The following GALNT13 variants were observed in gnomAD, a reference collection of about 807,000 sequenced individuals.
GALNT13 encodes the protein UDP-GalNAc:polypeptide N-acetylgalactosaminyltransferase 13.
A neutral mutation model predicts 64.2 loss-of-function variants in GALNT13; 28 were observed. That is an observed-to-expected ratio of 0.44 (90% CI 0.32 to 0.60). The LOEUF is 0.60. Among genes scored for constraint, GALNT13 ranks in the 20% least tolerant of loss-of-function variants. The pLI, the probability that GALNT13 is intolerant of heterozygous loss-of-function variation, is 0.05. For synonymous variants in GALNT13, 214 were observed against 224.6 expected (o/e 0.95, Z 0.42); for missense variants, 577 against 669.8 (o/e 0.86, Z 1.53).
chr2:153,567,156 C>A, the GALNT13 span, among the ~76,000 whole-genome samples: 1 of 152,218 alleles, frequency 6.6e-6, no homozygotes, highest in African/African-American at 2.4e-5. Flanking sequence ...AAATTCCAGG[C>A]TGTTTCTCAT....
chr2:153,071,625 T>G, the GALNT13 span, among the ~76,000 whole-genome samples: 5 of 152,212 alleles, frequency 3.3e-5, no homozygotes, highest in African/African-American at 1.2e-4. Context: ...CTAAGAAGTT[T>G]TACTGACCGA....
At chr2:153,388,138 T>A in the GALNT13 span, among the ~76,000 whole-genome samples, 1 of 151,966 alleles carries the variant, frequency 6.6e-6, no homozygotes, top group African/African-American at 2.4e-5. Context: ...GCTTTCTCAC[T>A]TCTTAGTCAA....
intron 3 of GALNT13, among the ~76,000 whole-genome samples, chr2:153,992,850 C>T (rs1421587769): frequency 4.6e-5 from 7 of 152,232 alleles, no homozygotes; most frequent in East Asian, 1.9e-4. Flanking sequence ...ATCACCCTTG[C>T]CTATTAGGCA....
the GALNT13 span, among the ~76,000 whole-genome samples, chr2:153,834,791 T>C: frequency 6.6e-6 from 1 of 152,042 alleles, no homozygotes; most frequent in Non-Finnish European, 1.5e-5. Context: ...ACATGTATAA[T>C]GGGAGGAAAG....
the GALNT13 span, among the ~76,000 whole-genome samples, chr2:153,599,979 C>T: frequency 6.6e-6 from 1 of 152,034 alleles, no homozygotes; most frequent in African/African-American, 2.4e-5. Flanking sequence ...GGCAGCAGAA[C>T]TGACTTCATG....
the GALNT13 span, among the ~76,000 whole-genome samples, chr2:153,371,424 CA>C: frequency 6.6e-6 from 1 of 151,862 alleles, no homozygotes; most frequent in Non-Finnish European, 1.5e-5. Flanking sequence ...TAGAAAGTCT[CA>C]AAAAAATGTA....
the GALNT13 span, among the ~76,000 whole-genome samples, chr2:153,276,023 G>A: frequency 3.9e-5 from 6 of 152,068 alleles, no homozygotes; most frequent in African/African-American, 9.6e-5. Context: ...TTAAATTTGT[G>A]TTTCTGAACT....
the GALNT13 span, among the ~76,000 whole-genome samples, chr2:153,544,975 T>A: frequency 2.0e-5 from 3 of 152,218 alleles, no homozygotes; most frequent in African/African-American, 7.2e-5. Context: ...GGGGTAGAAA[T>A]GAAAAGAGGT....
intron 3 of GALNT13, among the ~76,000 whole-genome samples, chr2:154,004,445 C>T (rs1696119628): frequency 6.6e-6 from 1 of 152,162 alleles, no homozygotes; most frequent in Non-Finnish European, 1.5e-5. Flanking sequence ...ACCTCATGAT[C>T]TGCCTGCTTC....
At chr2:153,719,231 GC>G in the GALNT13 span, among the ~76,000 whole-genome samples, 1 of 152,138 alleles carries the variant, frequency 6.6e-6, no homozygotes, top group African/African-American at 2.4e-5. Context: ...AGAAATTATG[GC>G]TTGGGAGTTA....
the GALNT13 span, among the ~76,000 whole-genome samples, chr2:153,604,004 G>C: frequency 6.6e-6 from 1 of 151,882 alleles, no homozygotes; most frequent in Non-Finnish European, 1.5e-5. Flanking sequence ...TCAGTATTCC[G>C]TTTCATTAGT....
At chr2:153,561,540 T>C in the GALNT13 span, among the ~76,000 whole-genome samples, 1 of 152,052 alleles carries the variant, frequency 6.6e-6, no homozygotes, top group East Asian at 1.9e-4. Flanking sequence ...AGGTCAGGTG[T>C]GGAATTTCCC....
At chr2:153,675,533 G>A in the GALNT13 span, among the ~76,000 whole-genome samples, 11 of 152,060 alleles carry the variant, frequency 7.2e-5, no homozygotes, top group Non-Finnish European at 1.5e-4. Context: ...ATCACACACC[G>A]GGGCCTGTTG....
chr2:154,342,391 A>G (rs1437916136), intron 9 of GALNT13, among the ~76,000 whole-genome samples: 2 of 152,066 alleles, frequency 1.3e-5, no homozygotes, highest in East Asian at 3.9e-4. Context: ...AAACTCCTTA[A>G]ATCTCCTCTA....
At chr2:153,349,210 A>C in the GALNT13 span, among the ~76,000 whole-genome samples, 2 of 151,580 alleles carry the variant, frequency 1.3e-5, no homozygotes, top group Non-Finnish European at 2.9e-5. Flanking sequence ...GTGAAAAAAA[A>C]CAAAAAACAA....
chr2:153,289,061 A>G, the GALNT13 span, among the ~76,000 whole-genome samples: 1 of 152,150 alleles, frequency 6.6e-6, no homozygotes, highest in East Asian at 1.9e-4. Context: ...TTTTATTCCT[A>G]TTACTCTCTG....
At chr2:154,447,387 T>C (rs545871959) in intron 12 of GALNT13, among the ~76,000 whole-genome samples, 1 of 151,998 alleles carries the variant, frequency 6.6e-6, no homozygotes, top group African/African-American at 2.4e-5. Flanking sequence ...GTTGTATCTT[T>C]TATCTCTCAC....
the GALNT13 span, among the ~76,000 whole-genome samples, chr2:153,115,987 C>A: frequency 3.3e-5 from 5 of 151,998 alleles, no homozygotes; most frequent in Non-Finnish European, 5.9e-5. Flanking sequence ...TTTTTTTAGA[C>A]TTATTCATTA....
At chr2:153,095,022 G>A in the GALNT13 span, among the ~76,000 whole-genome samples, 1 of 152,084 alleles carries the variant, frequency 6.6e-6, no homozygotes, top group African/African-American at 2.4e-5. Flanking sequence ...GGCAACAAAA[G>A]CCAAAATTGA....
Sources: allele counts gnomAD v4.1 joint callset (sites outside exome capture counted in the v4.1 genomes callset), GRCh38; gene constraint gnomAD v4.1.1; transcripts MANE v1.5; gene names NCBI Gene and HGNC (gene_info 2026-07-23, HGNC 2026-07-21).